The following KCNQ5 variants were observed in gnomAD, a reference collection of about 807,000 sequenced individuals.
KCNQ5 encodes the protein potassium voltage-gated channel subfamily Q member 5, also known as potassium voltage-gated channel subfamily KQT member 5.
A neutral mutation model predicts 98.2 loss-of-function variants in KCNQ5; 30 were observed. That is an observed-to-expected ratio of 0.31 (90% CI 0.23 to 0.41). The LOEUF (loss-of-function observed/expected upper bound fraction) is 0.41. Among genes scored for constraint, KCNQ5 ranks in the 10% least tolerant of loss-of-function variants. KCNQ5 has a pLI of 1.00. For missense variants in KCNQ5, 835 were observed against 1,182.5 expected (o/e 0.71, Z 4.31); for synonymous variants, 458 against 449.4 (o/e 1.02, Z -0.24).
chr6:72,706,365 T>A (rs551532545), intron 1 of KCNQ5, among the ~76,000 whole-genome samples: 1 of 152,072 alleles, frequency 6.6e-6, no homozygotes, highest in South Asian at 2.1e-4. Flanking sequence ...CTTGTTACAA[T>A]TAAAATTTAA....
At chr6:73,074,170 G>C (rs1347028990) in intron 3 of KCNQ5, among the ~76,000 whole-genome samples, 2 of 152,082 alleles carry the variant, frequency 1.3e-5, no homozygotes, top group African/African-American at 4.8e-5. Context: ...ACAAAACAAT[G>C]ATAAAACACT....
chr6:72,845,763 T>C (rs1335921403), intron 1 of KCNQ5, among the ~76,000 whole-genome samples: 1 of 152,200 alleles, frequency 6.6e-6, no homozygotes, highest in East Asian at 1.9e-4. Flanking sequence ...ACTATTATTT[T>C]TATTTGAATT....
At chr6:73,111,925 A>G (rs1477104405) in intron 7 of KCNQ5, among the ~76,000 whole-genome samples, 1 of 152,212 alleles carries the variant, frequency 6.6e-6, no homozygotes, top group African/African-American at 2.4e-5. Context: ...AGCTGATGGG[A>G]CTATGGAATA....
At position 73,126,791 on chromosome 6, in the gene KCNQ5, G is replaced by A. The variant is rs545203125; in HGVS notation, c.1247+2279G>A. Among the ~76,000 whole-genome samples the A allele has an allele frequency of 6.6e-5, 10 of 152,098 alleles. No homozygotes were observed. In the South Asian group the frequency reaches 2.1e-3, roughly 32 times the overall value. ...AATATCTTATATTTCATACACTTAG[G>A]TGTCCTATCTTCCAACTAGCTGTCA... On this transcript the variant is annotated intron_variant, in intron 9 of 13. Transcript: ENST00000370398.
rs1484245167 is a variant in KCNQ5 at position 72,622,352 on chromosome 6, G to A, written c.163G>A (p.Gly55Ser). Residue 55 changes from glycine to serine, a missense_variant, in exon 1 of 14, where the codon GGC becomes AGC. Physicochemically the swap from Gly to Ser is moderately conservative, Grantham distance 56. Around this residue, in one of 10 missense-constraint regions of KCNQ5, gnomAD observed 21 missense variants for 43.9 expected, o/e 0.48. Transcript: ENST00000370398. The surrounding 1 kb of genome is among the most constrained non-coding windows in gnomAD (Gnocchi z 6.0). ...RVLLNSAAAR[G>S]DGLLLLGTRA... ...GCTGCTGAACTCGGCAGCCGCCAGG[G>A]GCGACGGCCTGCTACTGCTGGGCAC... 3 of 1,435,290 alleles carry A rather than the reference G, an allele frequency of 2.1e-6. No individual in the cohort carries two copies. Among genetic ancestry groups the A allele is most frequent in the East Asian group, 2.7e-5 (1 of 36,922 alleles). 88.9% of individuals were successfully genotyped at this position (1,435,290 alleles called of 1,614,324 possible).
At chr6:72,983,995 GT>G (rs1382587467) in intron 1 of KCNQ5, among the ~76,000 whole-genome samples, 3 of 152,170 alleles carry the variant, frequency 2.0e-5, no homozygotes, top group Admixed American at 6.5e-5. Context: ...TCCAGACCCT[GT>G]TTTCCTGGGT....
chr6:72,705,800 T>A (rs897002842), intron 1 of KCNQ5, among the ~76,000 whole-genome samples: 2 of 152,012 alleles, frequency 1.3e-5, no homozygotes, highest in Non-Finnish European at 2.9e-5. Context: ...GGGAGGTAAT[T>A]TGTTGTATTG....
intron 10 of KCNQ5, among the ~76,000 whole-genome samples, chr6:73,143,217 A>T (rs1003156707): frequency 6.6e-6 from 1 of 152,164 alleles, no homozygotes; most frequent in Non-Finnish European, 1.5e-5. Flanking sequence ...AACAGTCAGG[A>T]ATTTCTGGAA....
Position 73,020,286 on chromosome 6 carries a change from C to A in KCNQ5, c.489+16288C>A, listed in dbSNP as rs1446321219. Among the ~76,000 whole-genome samples the A allele has an allele frequency of 2.0e-5, 3 of 152,040 alleles. No homozygotes were observed. In the South Asian group the frequency reaches 6.2e-4, roughly 32 times the overall value. ...CCAATCAACTATAGATCAGCGTTCT[C>A]GTGACCTTCTCCTTGGGCTCAATTA... On this transcript the variant is annotated intron_variant, in intron 2 of 13. Coordinates refer to ENST00000370398, the MANE Select transcript of KCNQ5 (RefSeq NM_019842.4).
intron 1 of KCNQ5, among the ~76,000 whole-genome samples, chr6:72,844,703 T>A (rs1776946165): frequency 6.6e-6 from 1 of 152,148 alleles, no homozygotes. Flanking sequence ...TACACAATTT[T>A]AAAAAGTAAA....
intron 1 of KCNQ5, among the ~76,000 whole-genome samples, chr6:72,724,610 T>C (rs758022245): frequency 6.6e-6 from 1 of 152,110 alleles, no homozygotes; most frequent in South Asian, 2.1e-4. Context: ...GTGAATTTAA[T>C]ATGAGAAATG....
At position 72,772,937 on chromosome 6, in the gene KCNQ5, C is replaced by T. The variant is rs55645601; in HGVS notation, c.398+150350C>T. ...TGAATTGCAATAGTTCTTTATAGAT[C>T]TCTAACAGGAAATTTTAAAATTAAA... On this transcript the variant is annotated intron_variant, in intron 1 of 13. Transcript: ENST00000370398. 3.9e-3 allele frequency among the ~76,000 whole-genome samples: 592 copies of T among 152,248 alleles called. 3 individuals are homozygous for T. The highest frequency in any genetic ancestry group is 0.014 in the Middle Eastern group (4 of 294).
At chr6:72,679,974 G>T (rs903349221) in intron 1 of KCNQ5, among the ~76,000 whole-genome samples, 1 of 152,140 alleles carries the variant, frequency 6.6e-6, no homozygotes, top group African/African-American at 2.4e-5. Context: ...GGAGACAGAG[G>T]TTGCAGTGAG....
At chr6:73,076,190 C>A (rs1773533154) in intron 3 of KCNQ5, among the ~76,000 whole-genome samples, 1 of 152,202 alleles carries the variant, frequency 6.6e-6, no homozygotes, top group Non-Finnish European at 1.5e-5. Context: ...GAGACCAGAC[C>A]TTTCTCAGTG....
At chr6:72,965,719 G>T (rs1767572764) in intron 1 of KCNQ5, among the ~76,000 whole-genome samples, 1 of 152,140 alleles carries the variant, frequency 6.6e-6, no homozygotes, top group South Asian at 2.1e-4. Context: ...CAATCAAGTT[G>T]CTATTAAGGT....
At chr6:73,108,016 T>C (rs1198494864) in intron 6 of KCNQ5, among the ~76,000 whole-genome samples, 1 of 152,202 alleles carries the variant, frequency 6.6e-6, no homozygotes, top group Non-Finnish European at 1.5e-5. Context: ...CATTGACATT[T>C]TGCTGAGAAA....
chr6:73,075,438 G>C (rs1206847629), intron 3 of KCNQ5, among the ~76,000 whole-genome samples: 1 of 152,036 alleles, frequency 6.6e-6, no homozygotes, highest in South Asian at 2.1e-4. Flanking sequence ...GGCCAGGATG[G>C]TCTCGATCTC....
intron 1 of KCNQ5, among the ~76,000 whole-genome samples, chr6:72,971,773 G>A (rs1767912448): frequency 6.6e-6 from 1 of 152,128 alleles, no homozygotes; most frequent in African/African-American, 2.4e-5. Context: ...TCACTCATAG[G>A]TGGGAATTGA....
chr6:72,968,027 G>A (rs1022135334), intron 1 of KCNQ5, among the ~76,000 whole-genome samples: 1 of 152,012 alleles, frequency 6.6e-6, no homozygotes, highest in Non-Finnish European at 1.5e-5. Context: ...TCTCCTTAGC[G>A]ACCCCAACAC....
Sources: allele counts gnomAD v4.1 joint callset (sites outside exome capture counted in the v4.1 genomes callset), GRCh38; gene constraint gnomAD v4.1.1; regional missense constraint gnomAD v4.1.1; non-coding constraint Gnocchi (gnomAD v3.1); transcripts MANE v1.5; gene names NCBI Gene and HGNC (gene_info 2026-07-23, HGNC 2026-07-21).